EIF2AK2: variants seen among roughly 807,000 people sequenced by gnomAD.
EIF2AK2 encodes interferon-induced, double-stranded RNA-activated protein kinase.
A neutral mutation model predicts 70.5 loss-of-function variants in EIF2AK2; 40 were observed. That is an observed-to-expected ratio of 0.57 (90% CI 0.44 to 0.74). EIF2AK2 has a LOEUF of 0.74. Ranked by LOEUF, EIF2AK2 falls within the 30% of genes least tolerant of loss-of-function variation. The pLI, the probability that EIF2AK2 is intolerant of heterozygous loss-of-function variation, is 0.00. For missense variants in EIF2AK2, 555 were observed against 644.3 expected, an observed-to-expected ratio of 0.86 and a Z score of 1.50; for synonymous variants, 198 against 220.9, an observed-to-expected ratio of 0.90 and a Z score of 0.92.
rs754420783 is a variant in EIF2AK2 at position 37,107,418 on chromosome 2, T to C, written c.1534-23A>G. 3.7e-6 allele frequency: 6 copies of C among 1,610,456 alleles called. No homozygotes were observed. The African/African-American group carries it at 4.0e-5, about 11-fold the overall frequency. ...TTTCTGCAATGACAGTGAGAGTCAATAGTAAGAAATAAAACATTGAAATAA... is the reference window on the plus strand; with the variant it reads ...TTTCTGCAATGACAGTGAGAGTCAACAGTAAGAAATAAAACATTGAAATAA... On this transcript the variant is annotated intron_variant, in intron 16 of 16. Coordinates refer to ENST00000233057, the MANE Select transcript of EIF2AK2 (RefSeq NM_001135651.3).
Position 37,138,499 on chromosome 2 carries a change from CT to C in EIF2AK2, c.593+9del, listed in dbSNP as rs1185852229. 2 of 1,613,438 alleles carry C rather than the reference CT, an allele frequency of 1.2e-6. No homozygotes were observed. Among genetic ancestry groups the C allele is most frequent in the African/African-American group, 2.7e-5 (2 of 75,024 alleles). On this transcript the variant is annotated intron_variant, in intron 7 of 16. Coordinates refer to ENST00000233057, the MANE Select transcript of EIF2AK2 (RefSeq NM_001135651.3). Reference sequence around the variant, plus strand: ...TATGTTAAGTATCTCAATTGTTTGTCTACACTTACAGTGTGCTGGTCACTAA... The same window carrying C: ...TATGTTAAGTATCTCAATTGTTTGTCACACTTACAGTGTGCTGGTCACTAA...
rs181627010 is a variant in EIF2AK2, at chr2:37,130,833, C to T, written c.786-4422G>A. Among the ~76,000 whole-genome samples, 40 of 152,270 alleles carry T rather than the reference C, an allele frequency of 2.6e-4. No homozygotes were observed. In the East Asian group the frequency reaches 7.5e-3, roughly 29 times the overall value. On this transcript the variant is annotated intron_variant, in intron 10 of 16. Coordinates refer to ENST00000233057, the MANE Select transcript of EIF2AK2 (RefSeq NM_001135651.3). ...AATATGTGGACAATTTACTTCTTTG[C>T]AGCCCCTCTCTAGAACACTGTATTC... is the stretch of plus-strand genomic sequence containing the variant.
rs746642944 is a variant in EIF2AK2 at position 37,138,274 on chromosome 2, A to C, written c.683T>G (p.Leu228Arg). Residue 228 changes from leucine to arginine, a missense_variant, in exon 8 of 17, where the codon CTT becomes CGT. By Grantham distance (102) the Leu-to-Arg change is moderately radical. This residue lies in a region of EIF2AK2 where 208 missense variants were observed against 191.8 expected (regional missense o/e 1.08). Transcript: ENST00000233057. ...NSDSLNSSSL[L>R]MNGLRNNQRK... The stretch of plus-strand genomic sequence containing the variant: ...GCTTCGAGACTAATACGATACCATA[A>C]GCAACGAAGAACTGTTTAAACTGTC... 2.5e-6 allele frequency: 4 copies of C among 1,611,382 alleles called. No individual in the cohort carries two copies. The South Asian group carries it at 4.4e-5, about 18-fold the overall frequency.
In EIF2AK2 at chr2:37,141,679, G is replaced by A; in HGVS notation, c.263C>T (p.Thr88Ile). 1 of 1,612,884 alleles carries A rather than the reference G, an allele frequency of 6.2e-7. No individual in the cohort carries two copies. The highest frequency in any genetic ancestry group is 8.5e-7 in the Non-Finnish European group (1 of 1,179,612). ...EKKAVSPLLL[T>I]TTNSSEGLSM... is the part of the protein sequence containing the mutation. ...TAATCCTTCTGAAGAATTCGTTGTTGTCAATAATAAAGGACTAACTGCCTA... is the reference window on the plus strand; with the variant it reads ...TAATCCTTCTGAAGAATTCGTTGTTATCAATAATAAAGGACTAACTGCCTA... The change falls in exon 5 of 17, where the codon ACA becomes ATA. Residue 88 changes from threonine (T) to isoleucine (I), a missense_variant. Coordinates refer to ENST00000233057, the MANE Select transcript of EIF2AK2 (RefSeq NM_001135651.3).
intron 12 of EIF2AK2, 36 bp downstream of exon 12, chr2:37,122,470 A>C (rs1259569363): frequency 6.2e-7 from 1 of 1,603,184 alleles, no homozygotes; most frequent in Non-Finnish European, 8.5e-7. Context: ...ATTTCCTTCC[A>C]TCCTATTATG....
chr2:37,122,667 A>G lies in EIF2AK2; in HGVS notation c.909-3T>C, dbSNP rs746121821. The G allele has an allele frequency of 4.3e-6, 7 of 1,614,114 alleles. No individual in the cohort carries two copies. In the East Asian group the frequency reaches 1.6e-4, roughly 36 times the overall value. On this transcript the variant is annotated splice_region_variant and splice_polypyrimidine_tract_variant and intron_variant, in intron 11 of 16. Transcript: ENST00000233057. Reference sequence around the variant, plus strand: ...CTTTTACTTCACGCTCCGCCTTCCTAGTTAAAAGGAACAGGGAACATGGCA... The same window carrying G: ...CTTTTACTTCACGCTCCGCCTTCCTGGTTAAAAGGAACAGGGAACATGGCA...
At chr2:37,122,838 GA>G (rs897408807) in intron 11 of EIF2AK2, among the ~76,000 whole-genome samples, 174 bp from the exon 12 acceptor site, 18 of 151,846 alleles carry the variant, frequency 1.2e-4, no homozygotes, top group African/African-American at 3.9e-4. Flanking sequence ...TGAACATACT[GA>G]AAAAAAACAT....
At chr2:37,145,721 T>C (rs1675509406) in intron 4 of EIF2AK2, among the ~76,000 whole-genome samples, 1 of 149,074 alleles carries the variant, frequency 6.7e-6, no homozygotes, top group Admixed American at 6.7e-5. Context: ...ATGTGCCTTA[T>C]ATGGGTGTAC....
rs1213555676 is a variant in EIF2AK2, at chr2:37,156,951, G to GCGGCTTCGGGAGAGCTGGTT, written c.-247_-228dup. The GCGGCTTCGGGAGAGCTGGTT allele has an allele frequency of 8.5e-5, 16 of 187,344 alleles. No homozygotes were observed. The East Asian group carries it at 2.6e-3, about 31-fold the overall frequency. 11.6% of individuals were successfully genotyped at this position (187,344 alleles called of 1,614,324 possible). A position where few individuals can be genotyped will look rare whatever the true frequency, so the allele number is the denominator to read the frequency against. ...CGCCGCCGCCGCCGGCCGGAGACCCGCGGCTTCGGGAGAGCTGGTTCTCAG... is the reference window on the plus strand; with the variant it reads ...CGCCGCCGCCGCCGGCCGGAGACCCGCGGCTTCGGGAGAGCTGGTTCGGCTTCGGGAGAGCTGGTTCTCAG... On this transcript the variant is annotated 5_prime_UTR_variant, in exon 1 of 17. Coordinates refer to ENST00000233057, the MANE Select transcript of EIF2AK2 (RefSeq NM_001135651.3).
chr2:37,120,549 T>C (rs1573008105), intron 12 of EIF2AK2, among the ~76,000 whole-genome samples: 1 of 134,494 alleles, frequency 7.4e-6, no homozygotes, highest in Non-Finnish European at 1.6e-5. Context: ...CCCCAAAACA[T>C]GTCACAAAAT....
At chr2:37,146,439 C>G (rs1210084824) in intron 4 of EIF2AK2, among the ~76,000 whole-genome samples, 1 of 152,212 alleles carries the variant, frequency 6.6e-6, no homozygotes, top group African/African-American at 2.4e-5. Context: ...GTCCTGGTAC[C>G]AATTCCCCAC....
At chr2:37,154,664 G>A (rs1675859822) in intron 1 of EIF2AK2, among the ~76,000 whole-genome samples, 1 of 152,110 alleles carries the variant, frequency 6.6e-6, no homozygotes, top group Non-Finnish European at 1.5e-5. Context: ...GGGTTCAAGC[G>A]ATTCTCCTGC....
intron 14 of EIF2AK2, among the ~76,000 whole-genome samples, chr2:37,111,939 C>CTATA (rs1174381920): frequency 4.1e-4 from 50 of 121,680 alleles, no homozygotes; most frequent in South Asian, 1.0e-3. Flanking sequence ...CTCTCTCTCT[C>CTATA]TATATATATA....
intron 13 of EIF2AK2, among the ~76,000 whole-genome samples, chr2:37,116,672 C>T (rs1674353222): frequency 6.6e-6 from 1 of 152,168 alleles, no homozygotes. Flanking sequence ...TGGAGCCTAA[C>T]ACCAGTAATA....
intron 2 of EIF2AK2, chr2:37,148,444 C>A (rs570137447): frequency 2.5e-6 from 1 of 395,404 alleles, no homozygotes; most frequent in Non-Finnish European, 4.8e-6. Context: ...GGAAGCCAGG[C>A]GGAGGAGAGC....
rs545482755 is a variant in EIF2AK2, at chr2:37,112,073, C to T, written c.1377+2658G>A. ...CCACCCTCATTGCCTTGAGCTGGGCCATGCATTTTGCTCTGGGCAATGATG... is the reference window on the plus strand; with the variant it reads ...CCACCCTCATTGCCTTGAGCTGGGCTATGCATTTTGCTCTGGGCAATGATG... On this transcript the variant is annotated intron_variant, in intron 14 of 16. Transcript: ENST00000233057. 8.6e-5 allele frequency among the ~76,000 whole-genome samples: 13 copies of T among 151,598 alleles called. No individual in the cohort carries two copies. The South Asian group carries it at 1.5e-3, about 17-fold the overall frequency.
At chr2:37,148,507 AG>A (rs754972110) in intron 2 of EIF2AK2, 48 of 618,408 alleles carry the variant, frequency 7.8e-5, no homozygotes, top group Non-Finnish European at 1.3e-4. Flanking sequence ...AAATAAAACA[AG>A]GAAAATATGC....
Position 37,107,477 on chromosome 2 carries a change from T to C in EIF2AK2, c.1530A>G (p.Lys510=). The change falls in exon 16 of 17, where the codon AAA becomes AAG. Residue 510 remains lysine (K), a synonymous_variant. Coordinates refer to ENST00000233057, the MANE Select transcript of EIF2AK2 (RefSeq NM_001135651.3). ...CTGATGATTTTCAAGTGCTTACTTC[T>C]TTTTTATCAAATATATCTGAGATGA... ...DGIISDIFDK[K]EKTLLQKLLS... is the part of the protein sequence containing the mutation. The C allele has an allele frequency of 6.2e-7, 1 of 1,612,180 alleles. No individual in the cohort carries two copies. Among genetic ancestry groups the C allele is most frequent in the South Asian group, 1.1e-5 (1 of 90,540 alleles).
At chr2:37,136,894 T>C (rs1279517240) in intron 9 of EIF2AK2, 89 bp downstream of exon 9, 6 of 1,196,568 alleles carry the variant, frequency 5.0e-6, no homozygotes, top group Admixed American at 5.6e-5. Context: ...CAAATAAGGG[T>C]GTACAATACT....
Sources: gnomAD v4.1 joint callset for allele counts (sites outside exome capture counted in the v4.1 genomes callset) on GRCh38, gnomAD v4.1.1 for gene constraint, gnomAD v4.1.1 regional missense constraint, MANE v1.5 for transcripts, NCBI Gene and HGNC (gene_info 2026-07-23, HGNC 2026-07-21) for gene names.